The following DAPP1 variants were observed in gnomAD, a reference collection of about 807,000 sequenced individuals.
DAPP1 encodes dual adapter for phosphotyrosine and 3-phosphotyrosine and 3-phosphoinositide.
A neutral mutation model predicts 41.5 loss-of-function variants in DAPP1; 20 were observed. The ratio of observed to expected loss-of-function variants is 0.48; its 90% confidence interval spans 0.34 to 0.70. The LOEUF is 0.70. DAPP1 is among the 30% of genes least tolerant of loss of function. The pLI is 0.01. For synonymous variants in DAPP1, 113 were observed against 116.2 expected (o/e 0.97, Z 0.18); for missense variants, 233 against 333.4 (o/e 0.70, Z 2.35).
chr4:99,846,999 T>C (rs975524942), intron 3 of DAPP1, among the ~76,000 whole-genome samples: 1 of 152,208 alleles, frequency 6.6e-6, no homozygotes, highest in African/African-American at 2.4e-5. Context: ...GAGGAACTCA[T>C]TATGCCAGTT....
In DAPP1 at chr4:99,865,944, AT is replaced by A. The variant is rs377338437; in HGVS notation, c.687-88del. ...ATATATAATATATATAATATATTATATTATATATTATATTATATATATTATA... is the reference window on the plus strand; with the variant it reads ...ATATATAATATATATAATATATTATATATATATTATATTATATATATTATA... On this transcript the variant is annotated intron_variant, in intron 7 of 8. Coordinates refer to ENST00000512369, the MANE Select transcript of DAPP1 (RefSeq NM_014395.3). The A allele has an allele frequency of 6.8e-3, 551 of 80,884 alleles. 7 individuals are homozygous for A. The highest frequency in any genetic ancestry group is 0.028 in the African/African-American group (505 of 18,334). 5.0% of individuals were successfully genotyped at this position (80,884 alleles called of 1,614,324 possible). A position where few individuals can be genotyped will look rare whatever the true frequency, so the allele number is the denominator to read the frequency against.
chr4:99,844,810 A>C (rs1723611354), intron 3 of DAPP1: 1 of 152,202 alleles, frequency 6.6e-6, no homozygotes, highest in Admixed American at 6.5e-5. Context: ...GGGGATTCCC[A>C]ATCTTTTGAC....
intron 1 of DAPP1, 133 bp from the exon 2 acceptor site, chr4:99,835,490 G>A: frequency 7.7e-7 from 1 of 1,292,076 alleles, no homozygotes; most frequent in African/African-American, 1.5e-5. Context: ...TCCTAATGTT[G>A]GGGCTGAGAG....
At chr4:99,861,426 A>T (rs953832741) in intron 4 of DAPP1, among the ~76,000 whole-genome samples, 152 bp from the exon 5 acceptor site, 2 of 152,242 alleles carry the variant, frequency 1.3e-5, no homozygotes, top group Non-Finnish European at 2.9e-5. Context: ...CTCACAACAC[A>T]TGGAAGCTTT....
chr4:99,861,331 A>C (rs1724228273), intron 4 of DAPP1, among the ~76,000 whole-genome samples: 1 of 152,226 alleles, frequency 6.6e-6, no homozygotes, highest in Non-Finnish European at 1.5e-5. Flanking sequence ...TTATAAGTGA[A>C]ATGATGTCGT....
intron 2 of DAPP1, among the ~76,000 whole-genome samples, chr4:99,837,861 T>C (rs1723354123): frequency 6.6e-6 from 1 of 151,968 alleles, no homozygotes; most frequent in Non-Finnish European, 1.5e-5. Flanking sequence ...TGGTCCCATC[T>C]GGGGGTGATG....
intron 1 of DAPP1, among the ~76,000 whole-genome samples, chr4:99,830,120 C>T (rs553412433): frequency 2.0e-5 from 3 of 152,276 alleles, no homozygotes; most frequent in South Asian, 2.1e-4. Flanking sequence ...CAGTGGCTCA[C>T]GCCTGTAATC....
intron 8 of DAPP1, 137 bp from the exon 9 acceptor site, chr4:99,867,980 G>T: frequency 1.3e-6 from 1 of 748,046 alleles, no homozygotes; most frequent in Non-Finnish European, 2.2e-6. Context: ...GCTTATAGTT[G>T]GGGGTGAGCA....
intron 1 of DAPP1, among the ~76,000 whole-genome samples, chr4:99,830,364 C>G (rs962095793): frequency 2.0e-5 from 3 of 151,354 alleles, no homozygotes; most frequent in African/African-American, 7.3e-5. Flanking sequence ...GCCTGGGTGA[C>G]AGAGCAAGAC....
downstream of DAPP1, among the ~76,000 whole-genome samples, chr4:99,870,823 C>G (rs1724612811): frequency 6.6e-6 from 1 of 152,190 alleles, no homozygotes; most frequent in Non-Finnish European, 1.5e-5. Context: ...AATGGTGACA[C>G]CAACATGGTG....
chr4:99,866,165 C>T, intron 8 of DAPP1, 44 bp downstream of exon 8: 1 of 1,027,824 alleles, frequency 9.7e-7, no homozygotes, highest in Non-Finnish European at 1.5e-6. Flanking sequence ...TGAGAAATAA[C>T]ATGTTGATGA....
intron 1 of DAPP1, among the ~76,000 whole-genome samples, chr4:99,820,929 C>G (rs1196768136): frequency 6.6e-6 from 1 of 152,212 alleles, no homozygotes; most frequent in African/African-American, 2.4e-5. Flanking sequence ...CATACTAAAA[C>G]AGGTGTCTGA....
intron 1 of DAPP1, 21 bp from the exon 2 acceptor site, chr4:99,835,602 G>A: frequency 6.2e-7 from 1 of 1,610,632 alleles, no homozygotes; most frequent in Non-Finnish European, 8.5e-7. Context: ...CTGAGTGAAA[G>A]CGCTGTTCCC....
At chr4:99,842,240 T>C (rs1162377987) in intron 3 of DAPP1, among the ~76,000 whole-genome samples, 1 of 152,274 alleles carries the variant, frequency 6.6e-6, no homozygotes, top group African/African-American at 2.4e-5. Flanking sequence ...GGATTTGTCA[T>C]CCAGACTTCT....
chr4:99,867,200 A>G (rs923992898), intron 8 of DAPP1, among the ~76,000 whole-genome samples: 1 of 152,232 alleles, frequency 6.6e-6, no homozygotes, highest in Admixed American at 6.5e-5. Flanking sequence ...AAATAAGTAT[A>G]CCATTCATTT....
At chr4:99,849,678 C>T (rs1295988623) in intron 3 of DAPP1, among the ~76,000 whole-genome samples, 1 of 152,138 alleles carries the variant, frequency 6.6e-6, no homozygotes, top group Non-Finnish European at 1.5e-5. Flanking sequence ...CACATGTCTC[C>T]CTGGACCTGT....
intron 2 of DAPP1, among the ~76,000 whole-genome samples, chr4:99,835,975 A>C (rs1489072150): frequency 1.3e-5 from 2 of 152,210 alleles, no homozygotes; most frequent in Non-Finnish European, 2.9e-5. Context: ...TTTGATGGAA[A>C]CCTTTCATGG....
At chr4:99,822,526 A>G (rs78266626) in intron 1 of DAPP1, among the ~76,000 whole-genome samples, 1,748 of 152,234 alleles carry the variant, frequency 0.011, 41 homozygotes, top group African/African-American at 0.039. Flanking sequence ...AGAAAAGGTG[A>G]AATTTTCTAC....
At chr4:99,824,749 C>T (rs1338504747) in intron 1 of DAPP1, among the ~76,000 whole-genome samples, 1 of 152,178 alleles carries the variant, frequency 6.6e-6, no homozygotes, top group Non-Finnish European at 1.5e-5. Context: ...AAGATGAGCC[C>T]TCTTAAGAGA....
Sources: gnomAD v4.1 joint callset for allele counts (sites outside exome capture counted in the v4.1 genomes callset) on GRCh38, gnomAD v4.1.1 for gene constraint, MANE v1.5 for transcripts, NCBI Gene and HGNC (gene_info 2026-07-23, HGNC 2026-07-21) for gene names.